Variants in CFAP20 observed in about 807,000 individuals in gnomAD.
CFAP20 encodes cilia and flagella associated protein 20, also known as cilia- and flagella-associated protein 20.
A neutral mutation model predicts 25.5 loss-of-function variants in CFAP20; 14 were observed. The ratio of observed to expected loss-of-function variants is 0.55; its 90% CI spans 0.36 to 0.86. CFAP20 has a LOEUF of 0.86. Ranked by LOEUF, CFAP20 falls within the 40% of genes least tolerant of loss-of-function variation. The probability of loss-of-function intolerance (pLI) is 0.01; values close to 1 mark genes in which losing one functional copy is unlikely to be tolerated. For synonymous variants in CFAP20, 75 were observed against 91.1 expected (o/e 0.82, Z 1.01); for missense variants, 181 against 248.0 (o/e 0.73, Z 1.81).
At chr16:58,117,821 C>T (rs1960479231) in intron 1 of CFAP20, among the ~76,000 whole-genome samples, 1 of 152,194 alleles carries the variant, frequency 6.6e-6, no homozygotes, top group South Asian at 2.1e-4. Flanking sequence ...GCATTCCTCC[C>T]CTGGAGTTAT....
chr16:58,114,927 AG>A lies in CFAP20; in HGVS notation c.466-8del. On this transcript the variant is annotated splice_region_variant and splice_polypyrimidine_tract_variant and intron_variant, in intron 4 of 5. Coordinates refer to ENST00000262498, the MANE Select transcript of CFAP20 (RefSeq NM_013242.3). Reference sequence around the variant, plus strand: ...TGCGACAATTTGCATGGATCTGTCAAGGCAATGCTTCTTTTGAGAGGCGAAA... The same window carrying A: ...TGCGACAATTTGCATGGATCTGTCAAGCAATGCTTCTTTTGAGAGGCGAAA... The A allele has an allele frequency of 6.2e-7, 1 of 1,603,594 alleles. No individual in the cohort carries two copies. The highest frequency in any genetic ancestry group is 2.2e-5 in the East Asian group (1 of 44,818).
intron 1 of CFAP20, among the ~76,000 whole-genome samples, chr16:58,126,212 G>A (rs575003085): frequency 6.6e-6 from 1 of 152,228 alleles, no homozygotes; most frequent in South Asian, 2.1e-4. Context: ...TCCAGTGGAC[G>A]ATCTACAATA....
Position 58,113,768 on chromosome 16 carries a change from C to G in CFAP20, c.*257G>C, listed in dbSNP as rs533237940. 3.4e-5 allele frequency: 17 copies of G among 495,470 alleles called. No individual in the cohort carries two copies. The highest frequency in any genetic ancestry group is 1.1e-4 in the South Asian group (4 of 37,448). 30.7% of individuals were successfully genotyped at this position (495,470 alleles called of 1,614,324 possible). On this transcript the variant is annotated 3_prime_UTR_variant, in exon 6 of 6. Transcript: ENST00000262498. ...AGTTCATGGTAAAGGTATCTCCCCCCACACTGGGGCAGGCGGCGGAATAAG... is the reference window on the plus strand; with the variant it reads ...AGTTCATGGTAAAGGTATCTCCCCCGACACTGGGGCAGGCGGCGGAATAAG...
chr16:58,129,228 G>T lies in CFAP20; in HGVS notation c.-113C>A. On this transcript the variant is annotated 5_prime_UTR_variant, in exon 1 of 6. Coordinates refer to ENST00000262498, the MANE Select transcript of CFAP20 (RefSeq NM_013242.3). ...CAGGCCGGCCCTGTTCCGAAGAAGG[G>T]TGGTTGAGCTCCTGGCCTCCGGATC... The T allele has an allele frequency of 8.7e-7, 1 of 1,149,796 alleles. No homozygotes were observed. The highest frequency in any genetic ancestry group is 1.2e-6 in the Non-Finnish European group (1 of 806,172). 71.2% of individuals were successfully genotyped at this position (1,149,796 alleles called of 1,614,324 possible).
At chr16:58,120,727 T>C (rs1960523746) in intron 1 of CFAP20, among the ~76,000 whole-genome samples, 1 of 152,134 alleles carries the variant, frequency 6.6e-6, no homozygotes. Flanking sequence ...CACTCACAAA[T>C]TTAAGTTTTA....
intron 1 of CFAP20, 34 bp from the exon 2 acceptor site, chr16:58,116,985 AT>A: frequency 1.3e-6 from 2 of 1,592,996 alleles, no homozygotes; most frequent in South Asian, 2.2e-5. Context: ...GTACTGAAAT[AT>A]CTGACAAGGC....
intron 1 of CFAP20, among the ~76,000 whole-genome samples, chr16:58,124,752 T>G (rs373851787): frequency 2.3e-4 from 35 of 152,366 alleles, no homozygotes; most frequent in African/African-American, 8.4e-4. Context: ...TGTGAAGGCC[T>G]AGGACATTAC....
At chr16:58,125,446 A>C (rs1960598917) in intron 1 of CFAP20, among the ~76,000 whole-genome samples, 1 of 152,230 alleles carries the variant, frequency 6.6e-6, no homozygotes, top group South Asian at 2.1e-4. Context: ...GCACTTTGGG[A>C]GGCTGAGGCA....
intron 1 of CFAP20, among the ~76,000 whole-genome samples, chr16:58,118,018 A>G (rs555037360): frequency 1.3e-5 from 2 of 152,254 alleles, no homozygotes; most frequent in South Asian, 2.1e-4. Context: ...CTCATCCTAC[A>G]TTGTTTTGTA....
intron 1 of CFAP20, among the ~76,000 whole-genome samples, chr16:58,128,187 G>A (rs1361731665): frequency 6.6e-6 from 1 of 152,142 alleles, no homozygotes; most frequent in Non-Finnish European, 1.5e-5. Context: ...CCAATTCATA[G>A]ACAGCTAGAT....
At position 58,115,267 on chromosome 16, in the gene CFAP20, AC is replaced by A; in HGVS notation, c.465+1del. Reference sequence around the variant, plus strand: ...GGGCTCTATCTGGGAAAGGAGCAGTACCTGCACTCTGAGGGTCTCGATGTAA... The same window carrying A: ...GGGCTCTATCTGGGAAAGGAGCAGTACTGCACTCTGAGGGTCTCGATGTAA... On this transcript the variant is annotated splice_donor_variant, in intron 4 of 5. Coordinates refer to ENST00000262498, the MANE Select transcript of CFAP20 (RefSeq NM_013242.3). LOFTEE classifies it high-confidence loss of function. 1.2e-6 allele frequency: 2 copies of A among 1,614,052 alleles called. No homozygotes were observed. Among genetic ancestry groups the A allele is most frequent in the Non-Finnish European group, 1.7e-6 (2 of 1,179,990 alleles).
chr16:58,116,004 T>TA (rs778262462), intron 3 of CFAP20, 37 bp downstream of exon 3: 2 of 1,456,150 alleles, frequency 1.4e-6, no homozygotes, highest in Non-Finnish European at 1.9e-6. Flanking sequence ...CACTTTGGTA[T>TA]AGCCAAGAGT....
At chr16:58,128,880 C>A in intron 1 of CFAP20, 152 bp downstream of exon 1, 1 of 719,172 alleles carries the variant, frequency 1.4e-6, no homozygotes. Flanking sequence ...CCACCTCGCG[C>A]CCCAGTCCCG....
At position 58,116,967 on chromosome 16, in the gene CFAP20, T is replaced by G. The variant is rs1369852072; in HGVS notation, c.85-16A>C. The G allele has an allele frequency of 1.2e-6, 2 of 1,609,046 alleles. No individual in the cohort carries two copies. Among genetic ancestry groups the G allele is most frequent in the African/African-American group, 2.7e-5 (2 of 74,788 alleles). Reference sequence around the variant, plus strand: ...CATTCCGTACCTACAAGAAAGAAAATTCGATTAGTACTGAAATATCTGACA... The same window carrying G: ...CATTCCGTACCTACAAGAAAGAAAAGTCGATTAGTACTGAAATATCTGACA... On this transcript the variant is annotated splice_polypyrimidine_tract_variant and intron_variant, in intron 1 of 5. Transcript: ENST00000262498.
At chr16:58,125,098 T>C (rs1960594455) in intron 1 of CFAP20, among the ~76,000 whole-genome samples, 1 of 152,228 alleles carries the variant, frequency 6.6e-6, no homozygotes, top group African/African-American at 2.4e-5. Context: ...ATATCTTTAT[T>C]CCATAAGGTT....
chr16:58,114,028 T>C lies in CFAP20; in HGVS notation c.579A>G (p.Gln193=). ...LYLPVQNKAK[Q] The stretch of plus-strand genomic sequence containing the variant: ...ATCCCTCGAGTCACAATTCCAGTTA[T>C]TGCTGAAGGGAAAAAACAGAGAAGT... The change falls in exon 6 of 6, where the codon CAA becomes CAG. Residue 193 remains glutamine, a splice_region_variant and synonymous_variant. Coordinates refer to ENST00000262498, the MANE Select transcript of CFAP20 (RefSeq NM_013242.3). 1 of 1,613,822 alleles carries C rather than the reference T, an allele frequency of 6.2e-7. No individual in the cohort carries two copies. Among genetic ancestry groups the C allele is most frequent in the Non-Finnish European group, 8.5e-7 (1 of 1,179,674 alleles).
Position 58,113,950 on chromosome 16 carries a change from C to T in CFAP20, c.*75G>A, listed in dbSNP as rs1597085489. 2 of 1,496,846 alleles carry T rather than the reference C, an allele frequency of 1.3e-6. No homozygotes were observed. Among genetic ancestry groups the T allele is most frequent in the Non-Finnish European group, 1.9e-6 (2 of 1,074,728 alleles). The allele number at this position is 1,496,846 out of a possible 1,614,324, so 92.7% of individuals were successfully genotyped here. A position where few individuals can be genotyped will look rare whatever the true frequency, so the allele number is the denominator to read the frequency against. On this transcript the variant is annotated 3_prime_UTR_variant, in exon 6 of 6. Transcript: ENST00000262498. Reference sequence around the variant, plus strand: ...GCAAACTAAGATAAATATGTTTTTGCATCGTCCTCCACATAGTTTCCTTTT... The same window carrying T: ...GCAAACTAAGATAAATATGTTTTTGTATCGTCCTCCACATAGTTTCCTTTT...
intron 1 of CFAP20, among the ~76,000 whole-genome samples, chr16:58,117,489 C>T (rs1337855517): frequency 2.6e-5 from 4 of 152,158 alleles, no homozygotes; most frequent in Non-Finnish European, 4.4e-5. Context: ...AGTGCAATGG[C>T]GCGATCTTGG....
intron 1 of CFAP20, among the ~76,000 whole-genome samples, chr16:58,123,138 G>GC (rs956323016): frequency 6.6e-6 from 1 of 151,896 alleles, no homozygotes; most frequent in Non-Finnish European, 1.5e-5. Context: ...GGGATTACAG[G>GC]CATGTGCCAC....
Sources: allele counts gnomAD v4.1 joint callset (sites outside exome capture counted in the v4.1 genomes callset), GRCh38; gene constraint gnomAD v4.1.1; transcripts MANE v1.5; gene names NCBI Gene and HGNC (gene_info 2026-07-23, HGNC 2026-07-21).